Variants in DAB2IP observed in about 807,000 individuals in gnomAD.
DAB2IP encodes the protein DAB2 interacting protein.
Under a neutral mutation model 107.2 loss-of-function variants are expected in DAB2IP, and 28 were observed. The ratio of observed to expected loss-of-function variants is 0.26; its 90% CI spans 0.19 to 0.36. DAB2IP has a LOEUF of 0.36. Ranked by LOEUF, DAB2IP falls within the 10% of genes least tolerant of loss-of-function variation. The pLI is 1.00. For synonymous variants in DAB2IP, 755 were observed against 706.4 expected (o/e 1.07, Z -1.09); for missense variants, 1,400 against 1,644.7 (o/e 0.85, Z 2.57).
At chr9:121,586,080 GA>G (rs1830305909) in intron 1 of DAB2IP, among the ~76,000 whole-genome samples, 1 of 152,264 alleles carries the variant, frequency 6.6e-6, no homozygotes, top group South Asian at 2.1e-4. Flanking sequence ...GGGTGATAAA[GA>G]AGTAACTTCA....
intron 14 of DAB2IP, among the ~76,000 whole-genome samples, chr9:121,778,946 C>T (rs548365186): frequency 6.6e-6 from 1 of 152,090 alleles, no homozygotes; most frequent in African/African-American, 2.4e-5. Flanking sequence ...CTTCTAATTT[C>T]TTGGGTCTTG....
At chr9:121,570,653 A>G (rs144344434) in intron 1 of DAB2IP, among the ~76,000 whole-genome samples, 1 of 152,122 alleles carries the variant, frequency 6.6e-6, no homozygotes, top group Non-Finnish European at 1.5e-5. Context: ...GGTGTAAGCA[A>G]TCCTCCTGCT....
intron 2 of DAB2IP, among the ~76,000 whole-genome samples, chr9:121,696,084 G>T (rs1385412127): frequency 6.6e-6 from 1 of 152,144 alleles, no homozygotes; most frequent in East Asian, 1.9e-4. Context: ...GGCCAGGCTG[G>T]TCTTGAACTC....
At chr9:121,732,991 C>T (rs1451794107) in intron 3 of DAB2IP, among the ~76,000 whole-genome samples, 2 of 152,250 alleles carry the variant, frequency 1.3e-5, no homozygotes, top group East Asian at 3.8e-4. Flanking sequence ...AGCTGGTGCA[C>T]TGAAACTACT....
intron 1 of DAB2IP, among the ~76,000 whole-genome samples, chr9:121,668,019 A>T (rs1169037315): frequency 6.6e-6 from 1 of 152,190 alleles, no homozygotes; most frequent in African/African-American, 2.4e-5. Context: ...TAAACCCATC[A>T]GACCTCATGA....
chr9:121,726,032 A>G lies in DAB2IP; in HGVS notation c.362+26574A>G, dbSNP rs561698242. ...TGAAATCCTTAGATTCTTTAAAGTGATGTCTACTTATTTGCTAATGAGTTG... is the reference window on the plus strand; with the variant it reads ...TGAAATCCTTAGATTCTTTAAAGTGGTGTCTACTTATTTGCTAATGAGTTG... On this transcript the variant is annotated intron_variant, in intron 3 of 15. Coordinates refer to ENST00000408936, the Ensembl canonical transcript of DAB2IP. 1.6e-3 allele frequency among the ~76,000 whole-genome samples: 244 copies of G among 152,294 alleles called. No individual in the cohort carries two copies. The Middle Eastern group carries it at 0.024, about 15-fold the overall frequency.
chr9:121,689,857 C>A (rs953225085), intron 2 of DAB2IP, among the ~76,000 whole-genome samples: 1 of 152,234 alleles, frequency 6.6e-6, no homozygotes, highest in Non-Finnish European at 1.5e-5. Context: ...CATTGTACAG[C>A]AGGGAAACTG....
chr9:121,742,182 C>T (rs1335241109), intron 3 of DAB2IP, among the ~76,000 whole-genome samples: 3 of 152,194 alleles, frequency 2.0e-5, no homozygotes, highest in Admixed American at 6.5e-5. Flanking sequence ...AATCCCAGCA[C>T]TTTGGGAGGC....
intron 1 of DAB2IP, among the ~76,000 whole-genome samples, chr9:121,596,503 A>G (rs564866261): frequency 6.6e-6 from 1 of 152,330 alleles, no homozygotes; most frequent in South Asian, 2.1e-4. Context: ...TGACAGAGCA[A>G]GCCTCTGTCT....
intron 3 of DAB2IP, among the ~76,000 whole-genome samples, chr9:121,709,486 A>G (rs1830228724): frequency 6.6e-6 from 1 of 152,142 alleles, no homozygotes; most frequent in East Asian, 1.9e-4. Context: ...GATACGTGCT[A>G]TTACTGTCCC....
intron 1 of DAB2IP, among the ~76,000 whole-genome samples, chr9:121,631,730 C>T (rs1453941087): frequency 1.3e-5 from 2 of 148,578 alleles, no homozygotes; most frequent in African/African-American, 2.5e-5. Flanking sequence ...ACAGGAGAAT[C>T]GCTTGAACCC....
In DAB2IP at chr9:121,706,944, G is replaced by A. The variant is rs1830087667; in HGVS notation, c.362+7486G>A. On this transcript the variant is annotated intron_variant, in intron 3 of 15. Transcript: ENST00000408936. Reference sequence around the variant, plus strand: ...ACAGGGTCCATCCCCACCCACAAAGGTTCCTGGCACCCTGCCTGAGAATTG... The same window carrying A: ...ACAGGGTCCATCCCCACCCACAAAGATTCCTGGCACCCTGCCTGAGAATTG... Among the ~76,000 whole-genome samples, 4 of 152,228 alleles carry A rather than the reference G, an allele frequency of 2.6e-5. No homozygotes were observed. The South Asian group carries it at 8.3e-4, about 31-fold the overall frequency.
intron 1 of DAB2IP, among the ~76,000 whole-genome samples, chr9:121,581,336 C>G (rs1830190546): frequency 6.6e-6 from 1 of 152,208 alleles, no homozygotes; most frequent in Non-Finnish European, 1.5e-5. Flanking sequence ...TTTCCGTCCC[C>G]CAATGTCCTT....
intron 1 of DAB2IP, among the ~76,000 whole-genome samples, chr9:121,619,426 C>T (rs1305316668): frequency 1.3e-5 from 2 of 152,308 alleles, no homozygotes; most frequent in African/African-American, 2.4e-5. Context: ...GGATTACAGG[C>T]GTGAGCCACT....
intron 1 of DAB2IP, among the ~76,000 whole-genome samples, chr9:121,677,383 G>A (rs1482636699): frequency 6.6e-6 from 1 of 152,168 alleles, no homozygotes; most frequent in African/African-American, 2.4e-5. Flanking sequence ...TTAGATAGGT[G>A]TGTTGGGGTG....
chr9:121,725,919 C>T (rs73664515), intron 3 of DAB2IP, among the ~76,000 whole-genome samples: 1,620 of 152,294 alleles, frequency 0.011, 37 homozygotes, highest in African/African-American at 0.038. Flanking sequence ...ATTTTAGAAG[C>T]AAGTCCTTGG....
At chr9:121,657,886 C>G (rs1427914377) in intron 1 of DAB2IP, among the ~76,000 whole-genome samples, 1 of 152,180 alleles carries the variant, frequency 6.6e-6, no homozygotes, top group African/African-American at 2.4e-5. Flanking sequence ...TACCAGGAGC[C>G]AACTGTTTCC....
Position 121,760,524 on chromosome 9 carries a change from C to T in DAB2IP, c.1170+85C>T. 1 of 1,437,270 alleles carries T rather than the reference C, an allele frequency of 7.0e-7. No individual in the cohort carries two copies. Among genetic ancestry groups the T allele is most frequent in the Non-Finnish European group, 9.2e-7 (1 of 1,091,816 alleles). 89.0% of individuals were successfully genotyped at this position (1,437,270 alleles called of 1,614,324 possible). ...CTTCCTCACATCCGTACATTTCAGG[C>T]CTAACAGAGGCCTTGGAGGCACCGG... On this transcript the variant is annotated intron_variant, in intron 6 of 15. Transcript: ENST00000408936. This position sits in a 1 kb window ranked among gnomAD's most constrained non-coding sequence, Gnocchi z 5.9.
intron 3 of DAB2IP, among the ~76,000 whole-genome samples, chr9:121,725,166 C>T (rs572874898): frequency 4.6e-5 from 7 of 152,196 alleles, no homozygotes; most frequent in South Asian, 4.2e-4. Flanking sequence ...TGTGTGTGCG[C>T]GCGTGTGTAT....
Sources: allele counts gnomAD v4.1 joint callset (sites outside exome capture counted in the v4.1 genomes callset), GRCh38; gene constraint gnomAD v4.1.1; non-coding constraint Gnocchi (gnomAD v3.1); transcripts MANE v1.5; gene names NCBI Gene and HGNC (gene_info 2026-07-23, HGNC 2026-07-21).